TNIK: variants seen among roughly 807,000 people sequenced by gnomAD.
TNIK encodes the protein TRAF2 and NCK interacting kinase.
TNIK carries 49 observed loss-of-function variants against 191.3 expected under a neutral mutation model. The observed-to-expected ratio is 0.26, with a 90% confidence interval of 0.20 to 0.32. The LOEUF (loss-of-function observed/expected upper bound fraction) is 0.32. Ranked by LOEUF, TNIK falls within the 10% of genes least tolerant of loss-of-function variation. TNIK has a pLI of 1.00. For missense variants in TNIK, 1,155 were observed against 1,702.3 expected, an observed-to-expected ratio of 0.68 and a Z score of 5.66; for synonymous variants, 594 against 600.9, an observed-to-expected ratio of 0.99 and a Z score of 0.17.
intron 2 of TNIK, among the ~76,000 whole-genome samples, chr3:171,248,899 T>A (rs1030396664): frequency 6.6e-6 from 1 of 152,350 alleles, no homozygotes; most frequent in Non-Finnish European, 1.5e-5. Flanking sequence ...TACAAAATCA[T>A]TTTACTTGGT....
intron 6 of TNIK, among the ~76,000 whole-genome samples, chr3:171,189,899 C>T (rs1383257259): frequency 6.6e-6 from 1 of 151,346 alleles, no homozygotes; most frequent in Non-Finnish European, 1.5e-5. Context: ...CAAATGTTAA[C>T]TAAGAAAAAA....
At chr3:171,408,091 T>C (rs1721943975) in intron 1 of TNIK, among the ~76,000 whole-genome samples, 1 of 152,158 alleles carries the variant, frequency 6.6e-6, no homozygotes, top group Admixed American at 6.5e-5. Flanking sequence ...ATAATTTCCA[T>C]AAAAAACCAT....
chr3:171,149,275 T>C (rs1404453030), intron 12 of TNIK, among the ~76,000 whole-genome samples: 1 of 152,132 alleles, frequency 6.6e-6, no homozygotes. Context: ...AAGCCATCCC[T>C]ACCTTCCATG....
At chr3:171,122,881 C>CA (rs995960195) in intron 18 of TNIK, among the ~76,000 whole-genome samples, 12 of 152,274 alleles carry the variant, frequency 7.9e-5, no homozygotes, top group African/African-American at 2.6e-4. Flanking sequence ...TCTGTTACCA[C>CA]AAAAAATTTG....
At chr3:171,182,972 T>C (rs1001046346) in intron 7 of TNIK, among the ~76,000 whole-genome samples, 1 of 152,186 alleles carries the variant, frequency 6.6e-6, no homozygotes, top group Non-Finnish European at 1.5e-5. Context: ...AGGAAGAATA[T>C]GCAAAAAGTG....
At chr3:171,456,701 T>G (rs544218936) in intron 1 of TNIK, among the ~76,000 whole-genome samples, 1 of 152,296 alleles carries the variant, frequency 6.6e-6, no homozygotes, top group South Asian at 2.1e-4. Context: ...TAGAGCTCCA[T>G]GGTTTCATGT....
chr3:171,078,483 C>A (rs1214810759), intron 28 of TNIK, among the ~76,000 whole-genome samples: 1 of 150,712 alleles, frequency 6.6e-6, no homozygotes, highest in South Asian at 2.1e-4. Context: ...TTTGTTCTAC[C>A]TTTTTTTTTA....
intron 1 of TNIK, among the ~76,000 whole-genome samples, chr3:171,374,621 G>C (rs4894570): frequency 0.78 from 118,772 of 152,182 alleles, 46,490 homozygotes; most frequent in African/African-American, 0.81. Context: ...TGCTGGGAGG[G>C]TGAGAAGAGA....
intron 4 of TNIK, among the ~76,000 whole-genome samples, chr3:171,204,984 G>C (rs1227653047): frequency 6.6e-6 from 1 of 152,132 alleles, no homozygotes; most frequent in South Asian, 2.1e-4. Context: ...GATAATACTT[G>C]ATTTGCAGAA....
At chr3:171,188,568 G>A (rs1737653165) in intron 7 of TNIK, 134 bp downstream of exon 7, 1 of 1,107,692 alleles carries the variant, frequency 9.0e-7, no homozygotes, top group Admixed American at 2.9e-5. Context: ...TGTCTTACAG[G>A]TCTTAAACTC....
chr3:171,260,290 T>C (rs555291857), intron 2 of TNIK, among the ~76,000 whole-genome samples: 27 of 152,168 alleles, frequency 1.8e-4, no homozygotes, highest in Non-Finnish European at 3.5e-4. Flanking sequence ...TTGAGGCCAT[T>C]ATTTCTCTCC....
At chr3:171,371,663 A>G (rs539391070) in intron 1 of TNIK, among the ~76,000 whole-genome samples, 1 of 152,284 alleles carries the variant, frequency 6.6e-6, no homozygotes, top group African/African-American at 2.4e-5. Flanking sequence ...AGACACCATC[A>G]AGGCCACCTG....
chr3:171,157,475 C>T lies in TNIK; in HGVS notation c.1206G>A (p.Arg402=). The change falls in exon 12 of 33, where the codon AGG becomes AGA. Residue 402 remains arginine (R), a synonymous_variant. Transcript: ENST00000436636. ...QKRIEEQKEQ[R]RRLEEQQRRE... is the part of the protein sequence containing the mutation. Reference sequence around the variant, plus strand: ...AGGTCCTCACCTCCTCCAGCCGCCGCCTCTGCTCTTTCTGCTCCTCGATGC... The same window carrying T: ...AGGTCCTCACCTCCTCCAGCCGCCGTCTCTGCTCTTTCTGCTCCTCGATGC... The T allele has an allele frequency of 1.9e-6, 3 of 1,567,544 alleles. No individual in the cohort carries two copies. Among genetic ancestry groups the T allele is most frequent in the Non-Finnish European group, 2.6e-6 (3 of 1,156,732 alleles).
At chr3:171,307,216 T>C (rs1470598163) in intron 2 of TNIK, among the ~76,000 whole-genome samples, 1 of 152,138 alleles carries the variant, frequency 6.6e-6, no homozygotes, top group Admixed American at 6.6e-5. Context: ...AGGCTGGTGG[T>C]GGCAAAAATT....
chr3:171,110,660 C>G, intron 19 of TNIK, 54 bp downstream of exon 19: 1 of 1,514,610 alleles, frequency 6.6e-7, no homozygotes, highest in African/African-American at 1.4e-5. Flanking sequence ...TTTTCCCTGT[C>G]CACAGCTTTC....
At chr3:171,357,216 A>T (rs560264931) in intron 2 of TNIK, among the ~76,000 whole-genome samples, 1 of 152,202 alleles carries the variant, frequency 6.6e-6, no homozygotes, top group Non-Finnish European at 1.5e-5. Context: ...TCCTTAATTT[A>T]TATACTCAAA....
chr3:171,459,188 C>T (rs928341412), intron 1 of TNIK, among the ~76,000 whole-genome samples: 2 of 151,932 alleles, frequency 1.3e-5, no homozygotes, highest in African/African-American at 2.4e-5. Flanking sequence ...AGGTGCTCTA[C>T]AAAGGACTGG....
chr3:171,393,255 ATCTCGCGG>A (rs1461968009), intron 1 of TNIK, among the ~76,000 whole-genome samples: 1 of 152,192 alleles, frequency 6.6e-6, no homozygotes, highest in African/African-American at 2.4e-5. Flanking sequence ...GCAAAATACA[ATCTCGCGG>A]TCAGTGCAGA....
intron 1 of TNIK, among the ~76,000 whole-genome samples, chr3:171,423,974 T>C (rs1455684949): frequency 6.6e-5 from 10 of 152,228 alleles, no homozygotes; most frequent in Non-Finnish European, 1.3e-4. Flanking sequence ...AAAGCCAAAA[T>C]TGACAAATGG....
Sources: allele counts gnomAD v4.1 joint callset (sites outside exome capture counted in the v4.1 genomes callset), GRCh38; gene constraint gnomAD v4.1.1; transcripts MANE v1.5; gene names NCBI Gene and HGNC (gene_info 2026-07-23, HGNC 2026-07-21).